FAM13C: variants seen among roughly 807,000 people sequenced by gnomAD.
FAM13C encodes protein FAM13C.
FAM13C carries 37 observed loss-of-function variants against 73.2 expected under a neutral mutation model. That is an observed-to-expected ratio of 0.51 (90% CI 0.39 to 0.67). The LOEUF (loss-of-function observed/expected upper bound fraction) is 0.67. Ranked by LOEUF, FAM13C falls within the 30% of genes least tolerant of loss-of-function variation. The pLI, the probability that FAM13C is intolerant of heterozygous loss-of-function variation, is 0.00. For missense variants in FAM13C, 589 were observed against 715.6 expected (o/e 0.82, Z 2.02); for synonymous variants, 246 against 260.9 (o/e 0.94, Z 0.55).
intron 10 of FAM13C, among the ~76,000 whole-genome samples, chr10:59,260,069 AT>A (rs200567465): frequency 7.7e-4 from 112 of 146,064 alleles, no homozygotes; most frequent in South Asian, 1.7e-3. Context: ...ACCATCCCGG[AT>A]TTTTTTTTTT....
chr10:59,307,492 A>G (rs1264379768), intron 4 of FAM13C, among the ~76,000 whole-genome samples: 1 of 152,230 alleles, frequency 6.6e-6, no homozygotes, highest in Admixed American at 6.5e-5. Context: ...TCATCATATG[A>G]GACTAGCATT....
intron 4 of FAM13C, among the ~76,000 whole-genome samples, chr10:59,312,675 C>T (rs971008507): frequency 2.6e-5 from 4 of 152,180 alleles, no homozygotes; most frequent in Non-Finnish European, 5.9e-5. Flanking sequence ...GGTACATTCT[C>T]TCTGCAGTTC....
intron 3 of FAM13C, among the ~76,000 whole-genome samples, chr10:59,324,408 G>T (rs1459994): frequency 0.41 from 61,475 of 151,712 alleles, 12,740 homozygotes; most frequent in African/African-American, 0.5. Context: ...GAAGAATATT[G>T]GATGAATAGA....
chr10:59,251,731 T>G (rs1477373834), intron 12 of FAM13C, 55 bp from the exon 13 acceptor site: 4 of 1,326,774 alleles, frequency 3.0e-6, no homozygotes, highest in Non-Finnish European at 4.2e-6. Context: ...TGAGAGATCA[T>G]CATGAGCAGA....
chr10:59,308,805 A>G (rs1848589695), intron 4 of FAM13C, among the ~76,000 whole-genome samples: 1 of 152,204 alleles, frequency 6.6e-6, no homozygotes, highest in Middle Eastern at 3.2e-3. Context: ...CTTTTCTAAA[A>G]ATGTTTGATG....
chr10:59,361,158 A>C, intron 1 of FAM13C: 1 of 1,222,586 alleles, frequency 8.2e-7, no homozygotes, highest in Non-Finnish European at 1.1e-6. Context: ...AATCTTATAA[A>C]CAGAATGTGG....
chr10:59,352,061 T>A (rs1233914342), intron 3 of FAM13C, among the ~76,000 whole-genome samples: 4 of 152,028 alleles, frequency 2.6e-5, no homozygotes, highest in Non-Finnish European at 5.9e-5. Context: ...AGAACACGTT[T>A]TAAGGGGCAC....
intron 5 of FAM13C, among the ~76,000 whole-genome samples, chr10:59,288,046 G>A (rs934705460): frequency 6.6e-6 from 1 of 152,230 alleles, no homozygotes; most frequent in Admixed American, 6.5e-5. Context: ...GGCATGGAGT[G>A]GGTGCTTAGA....
intron 4 of FAM13C, among the ~76,000 whole-genome samples, chr10:59,307,318 T>C (rs1589543652): frequency 1.3e-5 from 2 of 152,266 alleles, no homozygotes; most frequent in South Asian, 4.1e-4. Context: ...CTTCGTTATG[T>C]GCTAGGCAAC....
chr10:59,306,412 T>C (rs955815668), intron 4 of FAM13C, among the ~76,000 whole-genome samples: 1 of 152,220 alleles, frequency 6.6e-6, no homozygotes, highest in African/African-American at 2.4e-5. Flanking sequence ...CATCTGAATG[T>C]CTACTGTGTG....
intron 9 of FAM13C, 156 bp downstream of exon 9, chr10:59,263,929 T>TA: frequency 2.9e-6 from 2 of 690,576 alleles, no homozygotes; most frequent in Admixed American, 4.3e-5. Flanking sequence ...ATGACAGAGA[T>TA]ACAGGGTGCT....
chr10:59,352,180 A>T, intron 3 of FAM13C, 90 bp downstream of exon 3: 2 of 1,461,070 alleles, frequency 1.4e-6, no homozygotes, highest in Non-Finnish European at 1.9e-6. Flanking sequence ...CCTCCCGCAA[A>T]ACAGTGCGCT....
chr10:59,299,409 C>T (rs1847292913), intron 5 of FAM13C, among the ~76,000 whole-genome samples: 1 of 151,832 alleles, frequency 6.6e-6, no homozygotes, highest in Admixed American at 6.6e-5. Flanking sequence ...CAATTTTTTT[C>T]TCAGTAGTTT....
In FAM13C at chr10:59,270,118, A is replaced by G; in HGVS notation, c.593-9T>C. The G allele has an allele frequency of 6.2e-7, 1 of 1,610,846 alleles. No individual in the cohort carries two copies. Among genetic ancestry groups the G allele is most frequent in the Non-Finnish European group, 8.5e-7 (1 of 1,178,508 alleles). ...GTGGACTGGTGAGGGGTCTGGGCAA[A>G]TGAGACAAATCATCAAGACTTAGAA... On this transcript the variant is annotated splice_polypyrimidine_tract_variant and intron_variant, in intron 6 of 13. Transcript: ENST00000618804.
At chr10:59,265,408 G>A (rs1046678909) in intron 8 of FAM13C, among the ~76,000 whole-genome samples, 6 of 139,418 alleles carry the variant, frequency 4.3e-5, no homozygotes, top group Non-Finnish European at 9.1e-5. Context: ...GCTTAGCCTA[G>A]TCCTATCTAT....
chr10:59,353,732 G>C (rs1323255685), intron 2 of FAM13C, among the ~76,000 whole-genome samples: 1 of 152,180 alleles, frequency 6.6e-6, no homozygotes, highest in African/African-American at 2.4e-5. Flanking sequence ...AACATGACCA[G>C]GGTGCAGTTG....
At chr10:59,251,371 T>C in intron 13 of FAM13C, 1 of 544,754 alleles carries the variant, frequency 1.8e-6, no homozygotes, top group Non-Finnish European at 3.2e-6. Flanking sequence ...ATTGATGTCA[T>C]ACCTGACAGC....
chr10:59,261,152 CT>C (rs1842467105), intron 10 of FAM13C, among the ~76,000 whole-genome samples: 1 of 152,104 alleles, frequency 6.6e-6, no homozygotes, highest in African/African-American at 2.4e-5. Flanking sequence ...CTAAGAGTTT[CT>C]GTATATATAT....
chr10:59,283,279 G>T (rs569699495), intron 6 of FAM13C, 84 bp downstream of exon 6: 2 of 1,436,446 alleles, frequency 1.4e-6, no homozygotes, highest in African/African-American at 2.8e-5. Flanking sequence ...TTTTCCCTCA[G>T]GGGCTCAGGC....
Sources: gnomAD v4.1 joint callset for allele counts (sites outside exome capture counted in the v4.1 genomes callset) on GRCh38, gnomAD v4.1.1 for gene constraint, MANE v1.5 for transcripts, NCBI Gene and HGNC (gene_info 2026-07-23, HGNC 2026-07-21) for gene names.